Variants in PARP1 observed in about 807,000 individuals in gnomAD.
The protein encoded by PARP1 is poly [ADP-ribose] polymerase 1.
Under a neutral mutation model 118.7 loss-of-function variants are expected in PARP1, and 44 were observed. The observed-to-expected ratio is 0.37, with a 90% CI of 0.29 to 0.48. The LOEUF is 0.48. PARP1 is among the 20% of genes least tolerant of loss of function. The pLI is 0.99. For missense variants in PARP1, 1,100 were observed against 1,272.4 expected (o/e 0.86, Z 2.06); for synonymous variants, 492 against 483.2 (o/e 1.02, Z -0.24).
chr1:226,365,526 G>A (rs1170369859), intron 18 of PARP1, among the ~76,000 whole-genome samples: 1 of 152,144 alleles, frequency 6.6e-6, no homozygotes, highest in Non-Finnish European at 1.5e-5. Flanking sequence ...CAGCACTTTG[G>A]GAGGCCAACG....
Position 226,408,066 on chromosome 1 carries a change from G to C in PARP1, c.-137C>G. ...GAGCCGCCACCGAACACGCCGCACC[G>C]GCCACCGCCGTTCCCTGATAGATTG... On this transcript the variant is annotated 5_prime_UTR_variant, in exon 1 of 23. Transcript: ENST00000366794. 3.2e-6 allele frequency: 4 copies of C among 1,259,642 alleles called. No homozygotes were observed. Among genetic ancestry groups the C allele is most frequent in the South Asian group, 1.3e-5 (1 of 79,334 alleles). The allele number at this position is 1,259,642 out of a possible 1,614,324, so 78.0% of individuals were successfully genotyped here. A position where few individuals can be genotyped will look rare whatever the true frequency, so the allele number is the denominator to read the frequency against.
At chr1:226,404,722 T>C (rs1388868110) in intron 1 of PARP1, among the ~76,000 whole-genome samples, 1 of 152,238 alleles carries the variant, frequency 6.6e-6, no homozygotes. Context: ...CACAAGACTA[T>C]CGACTCCATT....
chr1:226,376,079 A>T (rs765873826), intron 13 of PARP1, among the ~76,000 whole-genome samples: 1 of 152,188 alleles, frequency 6.6e-6, no homozygotes, highest in African/African-American at 2.4e-5. Context: ...GAGCCTCATC[A>T]TTGTATAAGC....
At position 226,361,402 on chromosome 1, in the gene PARP1, A is replaced by G. The variant is rs1232350751; in HGVS notation, c.*58T>C. The G allele has an allele frequency of 1.8e-6, 2 of 1,131,040 alleles. No homozygotes were observed. Among genetic ancestry groups the G allele is most frequent in the Non-Finnish European group, 2.7e-6 (2 of 745,200 alleles). The allele number at this position is 1,131,040 out of a possible 1,614,324, so 70.1% of individuals were successfully genotyped here. On this transcript the variant is annotated 3_prime_UTR_variant, in exon 23 of 23. Transcript: ENST00000366794. Reference sequence around the variant, plus strand: ...TAGCGGCCAGGTGAGTTGGTGCAGAAGCGCTTCGGGTGAATTCATACCAGA... The same window carrying G: ...TAGCGGCCAGGTGAGTTGGTGCAGAGGCGCTTCGGGTGAATTCATACCAGA...
At chr1:226,387,961 C>G (rs1441005167) in intron 5 of PARP1, among the ~76,000 whole-genome samples, 1 of 152,084 alleles carries the variant, frequency 6.6e-6, no homozygotes, top group East Asian at 1.9e-4. Flanking sequence ...ATTTTAGTAC[C>G]ACTAGTAAAA....
At chr1:226,392,151 T>C (rs746870962) in intron 3 of PARP1, 48 bp downstream of exon 3, 29 of 1,228,886 alleles carry the variant, frequency 2.4e-5, no homozygotes, top group African/African-American at 4.4e-5. Flanking sequence ...AATAACATCA[T>C]TGCAAGCAAT....
At chr1:226,367,104 T>C (rs2102728119) in intron 17 of PARP1, 1 of 305,794 alleles carries the variant, frequency 3.3e-6, no homozygotes, top group South Asian at 3.2e-5. Flanking sequence ...CGGTAATAAG[T>C]CTTCTAAAAG....
rs141596806 is a variant in PARP1 at position 226,401,235 on chromosome 1, G to A, written c.286+979C>T. On this transcript the variant is annotated intron_variant, in intron 2 of 22. Coordinates refer to ENST00000366794, the MANE Select transcript of PARP1 (RefSeq NM_001618.4). ...CCCTAAATTGGGGATTGGCCTGGGC[G>A]GGTCCTTGGCTTCGCTCTGGAAAGC... 5.5e-3 allele frequency among the ~76,000 whole-genome samples: 842 copies of A among 152,326 alleles called. 8 individuals are homozygous for A. Among genetic ancestry groups the A allele is most frequent in the African/African-American group, 0.019 (799 of 41,568 alleles).
chr1:226,381,389 G>A lies in PARP1; in HGVS notation c.1160-181C>T, dbSNP rs73089874. ...CCTGAGTACCTACAGATGTCCCTCA[G>A]CACAGAAAGGACTGGGCAGGGAGCA... is the stretch of plus-strand genomic sequence containing the variant. On this transcript the variant is annotated intron_variant, in intron 8 of 22. Coordinates refer to ENST00000366794, the MANE Select transcript of PARP1 (RefSeq NM_001618.4). Among the ~76,000 whole-genome samples the A allele has an allele frequency of 5.4e-3, 821 of 152,322 alleles. 9 individuals carry two copies. The highest frequency in any genetic ancestry group is 0.019 in the African/African-American group (769 of 41,562).
In PARP1 at chr1:226,377,207, G is replaced by T. The variant is rs759705521; in HGVS notation, c.1842C>A (p.Phe614Leu). ...CGGTTTTTTCTTCATATAATTTCAT[G>T]AAGTGCTCAATGGCATCCTCCTTGG... ...MPSKEDAIEH[F>L]MKLYEEKTGN... The change falls in exon 13 of 23, where the codon TTC becomes TTA. Residue 614 changes from phenylalanine (F) to leucine (L), a missense_variant. Physicochemically the swap from Phe to Leu is conservative, Grantham distance 22. This residue lies in a region of PARP1 where 948 missense variants were observed against 1,031.8 expected (regional missense o/e 0.92). Transcript: ENST00000366794. 18 of 1,613,914 alleles carry T rather than the reference G, an allele frequency of 1.1e-5. No homozygotes were observed. The Admixed American group carries it at 2.2e-4, about 19-fold the overall frequency.
chr1:226,380,498 A>G (rs1287332707), intron 9 of PARP1, among the ~76,000 whole-genome samples: 1 of 152,220 alleles, frequency 6.6e-6, no homozygotes, highest in Non-Finnish European at 1.5e-5. Flanking sequence ...TCAGCATAAT[A>G]AACCCACACA....
At chr1:226,390,056 C>A (rs187027551) in intron 4 of PARP1, among the ~76,000 whole-genome samples, 1 of 152,176 alleles carries the variant, frequency 6.6e-6, no homozygotes, top group Non-Finnish European at 1.5e-5. Context: ...AACCCAGGCA[C>A]AACAAATACC....
At chr1:226,407,368 G>A (rs527662128) in intron 1 of PARP1, among the ~76,000 whole-genome samples, 1 of 121,012 alleles carries the variant, frequency 8.3e-6, no homozygotes, top group East Asian at 3.7e-4. Flanking sequence ...CCAAAAATAG[G>A]TTTAACAAAA....
chr1:226,386,395 C>G lies in PARP1; in HGVS notation c.765G>C (p.Val255=), dbSNP rs371048793. ...IWNIKDELKK[V]CSTNDLKELL... The stretch of plus-strand genomic sequence containing the variant: ...GCTCCTTCAGGTCATTAGTTGAACA[C>G]ACTTTCTTTAGCTCGTCCTTGATGT... Residue 255 remains valine, a synonymous_variant, in exon 6 of 23, where the codon GTG becomes GTC. Transcript: ENST00000366794. 1.9e-5 allele frequency: 30 copies of G among 1,614,138 alleles called. No homozygotes were observed. The South Asian group carries it at 2.9e-4, about 15-fold the overall frequency.
At chr1:226,402,031 A>G in intron 2 of PARP1, 183 bp downstream of exon 2, 1 of 1,510,622 alleles carries the variant, frequency 6.6e-7, no homozygotes, top group East Asian at 2.5e-5. Flanking sequence ...AATACCAAAT[A>G]TCATGCAACA....
At chr1:226,386,197 T>G in intron 6 of PARP1, 129 bp downstream of exon 6, 1 of 723,348 alleles carries the variant, frequency 1.4e-6, no homozygotes, top group Non-Finnish European at 2.5e-6. Flanking sequence ...CAACCACGAT[T>G]TATACTCCTT....
chr1:226,407,733 C>T, intron 1 of PARP1, 77 bp downstream of exon 1: 2 of 1,294,958 alleles, frequency 1.5e-6, no homozygotes, highest in Non-Finnish European at 2.1e-6. Flanking sequence ...CCTGGGCCCG[C>T]CCTCCCCCAG....
chr1:226,395,203 T>A (rs1005414925), intron 2 of PARP1, among the ~76,000 whole-genome samples: 2 of 152,080 alleles, frequency 1.3e-5, no homozygotes, highest in Non-Finnish European at 2.9e-5. Context: ...AGAGCTGTTA[T>A]AGAAAACAGG....
At chr1:226,384,619 G>A (rs1185929707) in intron 7 of PARP1, among the ~76,000 whole-genome samples, 1 of 152,226 alleles carries the variant, frequency 6.6e-6, no homozygotes, top group Non-Finnish European at 1.5e-5. Flanking sequence ...AGAAAAATCG[G>A]GGAATCAGTC....
Sources: allele counts gnomAD v4.1 joint callset (sites outside exome capture counted in the v4.1 genomes callset), GRCh38; gene constraint gnomAD v4.1.1; regional missense constraint gnomAD v4.1.1; transcripts MANE v1.5; gene names NCBI Gene and HGNC (gene_info 2026-07-23, HGNC 2026-07-21).